The following ZDHHC14 variants were observed in gnomAD, a reference collection of about 807,000 sequenced individuals.
ZDHHC14 encodes the protein zDHHC palmitoyltransferase 14.
In ZDHHC14, 16 loss-of-function variants were observed where a neutral mutation model predicts 47.7. The observed-to-expected ratio is 0.34, with a 90% confidence interval of 0.23 to 0.51. ZDHHC14 has a LOEUF of 0.51. ZDHHC14 is among the 20% of genes least tolerant of loss of function. The probability of loss-of-function intolerance (pLI) is 0.97; values close to 1 mark genes in which losing one functional copy is unlikely to be tolerated. For missense variants in ZDHHC14, 515 were observed against 662.5 expected (o/e 0.78, Z 2.44); for synonymous variants, 293 against 278.9 (o/e 1.05, Z -0.50).
chr6:157,548,083 T>C (rs1782056661), intron 2 of ZDHHC14, among the ~76,000 whole-genome samples: 1 of 151,014 alleles, frequency 6.6e-6, no homozygotes, highest in Non-Finnish European at 1.5e-5. Context: ...TTGTCCATAC[T>C]GTTGAATATA....
At chr6:157,538,452 C>T (rs1781624250) in intron 1 of ZDHHC14, among the ~76,000 whole-genome samples, 1 of 152,228 alleles carries the variant, frequency 6.6e-6, no homozygotes, top group South Asian at 2.1e-4. Context: ...TGACTCTCCT[C>T]CTCTTTCAGG....
intron 5 of ZDHHC14, among the ~76,000 whole-genome samples, chr6:157,643,131 A>C (rs1777338288): frequency 2.0e-5 from 3 of 152,198 alleles, no homozygotes; most frequent in Admixed American, 6.5e-5. Context: ...TCTGAGGTTT[A>C]AGCAGAACAG....
intron 3 of ZDHHC14, among the ~76,000 whole-genome samples, chr6:157,626,894 G>GTT: frequency 1.3e-5 from 2 of 150,134 alleles, no homozygotes; most frequent in South Asian, 4.4e-4. Context: ...TCCAGCTGGG[G>GTT]GGGGGGCGGC....
At chr6:157,596,123 G>A (rs1468021252) in intron 3 of ZDHHC14, among the ~76,000 whole-genome samples, 4 of 152,286 alleles carry the variant, frequency 2.6e-5, no homozygotes, top group South Asian at 2.1e-4. Flanking sequence ...GCATAGCTTC[G>A]GTTTTCCGGT....
intron 1 of ZDHHC14, among the ~76,000 whole-genome samples, chr6:157,445,362 A>C (rs1778643889): frequency 6.6e-6 from 1 of 152,230 alleles, no homozygotes; most frequent in African/African-American, 2.4e-5. Flanking sequence ...AAAAATAAAC[A>C]AAGCCAAGAT....
intron 1 of ZDHHC14, among the ~76,000 whole-genome samples, chr6:157,404,825 T>C (rs1224039162): frequency 1.3e-5 from 2 of 152,240 alleles, no homozygotes; most frequent in Admixed American, 1.3e-4. Context: ...CTTTTTAGTT[T>C]GCTTGTTTAT....
chr6:157,518,533 C>T (rs1780784716), intron 1 of ZDHHC14, among the ~76,000 whole-genome samples: 2 of 152,144 alleles, frequency 1.3e-5, no homozygotes, highest in African/African-American at 4.8e-5. Flanking sequence ...GGGAGTGAAT[C>T]ACCATCCCAG....
chr6:157,517,715 C>T (rs1249119345), intron 1 of ZDHHC14, among the ~76,000 whole-genome samples: 1 of 152,174 alleles, frequency 6.6e-6, no homozygotes. Context: ...CAGGTTCAGT[C>T]CTGAGTAAAG....
At chr6:157,407,418 A>G (rs1777786169) in intron 1 of ZDHHC14, among the ~76,000 whole-genome samples, 1 of 152,004 alleles carries the variant, frequency 6.6e-6, no homozygotes, top group Non-Finnish European at 1.5e-5. Flanking sequence ...GCTGTTTTAT[A>G]CTCTTCTTAA....
chr6:157,672,446 A>G (rs1419090184), intron 8 of ZDHHC14, among the ~76,000 whole-genome samples: 1 of 152,090 alleles, frequency 6.6e-6, no homozygotes, highest in East Asian at 1.9e-4. Context: ...TTGGGAACCA[A>G]GACCACTGGC....
At chr6:157,383,933 TA>T (rs1777263788) in intron 1 of ZDHHC14, among the ~76,000 whole-genome samples, 3 of 152,198 alleles carry the variant, frequency 2.0e-5, no homozygotes, top group Non-Finnish European at 4.4e-5. Context: ...AGAAGGGGCA[TA>T]GAGGTTCCCC....
chr6:157,468,105 T>C (rs1052677894), intron 1 of ZDHHC14, among the ~76,000 whole-genome samples: 1 of 152,078 alleles, frequency 6.6e-6, no homozygotes, highest in African/African-American at 2.4e-5. Context: ...AACTATAACC[T>C]AACAACTCCT....
intron 1 of ZDHHC14, among the ~76,000 whole-genome samples, chr6:157,458,849 A>ATTGTTTTTTTTTTTTTTTTT (rs1778991653): frequency 1.2e-5 from 1 of 81,226 alleles, no homozygotes; most frequent in African/African-American, 4.6e-5. Flanking sequence ...ATGTGGGTGG[A>ATTGTTTTTTTTTTTTTTTTT]TTTTTTTTTT....
At chr6:157,389,397 A>G (rs1370321110) in intron 1 of ZDHHC14, among the ~76,000 whole-genome samples, 2 of 152,226 alleles carry the variant, frequency 1.3e-5, no homozygotes, top group African/African-American at 2.4e-5. Flanking sequence ...TTTTTAAGAA[A>G]AAGGATGTTC....
intron 2 of ZDHHC14, among the ~76,000 whole-genome samples, chr6:157,592,558 C>A (rs1413271148): frequency 6.6e-6 from 1 of 152,190 alleles, no homozygotes; most frequent in African/African-American, 2.4e-5. Context: ...AGGTTTAAGG[C>A]AGGAGTCTGG....
chr6:157,424,846 C>G (rs921459363), intron 1 of ZDHHC14, among the ~76,000 whole-genome samples: 12 of 152,040 alleles, frequency 7.9e-5, no homozygotes, highest in Admixed American at 7.2e-4. Context: ...CGTCCCCAAC[C>G]CCACCCCAGG....
chr6:157,532,230 G>A (rs1781392860), intron 1 of ZDHHC14, among the ~76,000 whole-genome samples: 1 of 152,246 alleles, frequency 6.6e-6, no homozygotes, highest in Non-Finnish European at 1.5e-5. Context: ...CTGAAACAAG[G>A]CAGGGCATTT....
chr6:157,627,903 G>T (rs1429990758), intron 3 of ZDHHC14, among the ~76,000 whole-genome samples: 1 of 152,210 alleles, frequency 6.6e-6, no homozygotes, highest in Non-Finnish European at 1.5e-5. Flanking sequence ...GCCCCTTGTG[G>T]CCTCTCTCTA....
chr6:157,468,604 G>A (rs1456964406), intron 1 of ZDHHC14, among the ~76,000 whole-genome samples: 2 of 152,228 alleles, frequency 1.3e-5, no homozygotes, highest in African/African-American at 4.8e-5. Context: ...TATGTTTTCA[G>A]AATGATTGTC....
Sources: gnomAD v4.1 joint callset for allele counts (sites outside exome capture counted in the v4.1 genomes callset) on GRCh38, gnomAD v4.1.1 for gene constraint, MANE v1.5 for transcripts, NCBI Gene and HGNC (gene_info 2026-07-23, HGNC 2026-07-21) for gene names.